Variants in CACNA2D4 observed in about 807,000 individuals in gnomAD.
CACNA2D4 encodes calcium voltage-gated channel auxiliary subunit alpha2delta 4, also known as voltage-dependent calcium channel subunit alpha-2/delta-4.
A neutral mutation model predicts 163.8 loss-of-function variants in CACNA2D4; 157 were observed. The ratio of observed to expected loss-of-function variants is 0.96; its 90% CI spans 0.84 to 1.09. The LOEUF (loss-of-function observed/expected upper bound fraction) is 1.09. Among genes scored for constraint, CACNA2D4 ranks in the 50% least tolerant of loss-of-function variants. CACNA2D4 has a pLI of 0.00. For synonymous variants in CACNA2D4, 598 were observed against 586.9 expected (o/e 1.02, Z -0.27); for missense variants, 1,410 against 1,479.9 (o/e 0.95, Z 0.78).
At chr12:1,831,425 C>A (rs747242920) in intron 26 of CACNA2D4, 3 of 1,614,130 alleles carry the variant, frequency 1.9e-6, no homozygotes, top group African/African-American at 2.7e-5. Flanking sequence ...CATTTGAACC[C>A]CTAGCAAACC....
intron 26 of CACNA2D4, among the ~76,000 whole-genome samples, chr12:1,813,623 A>G (rs985136683): frequency 6.6e-6 from 1 of 152,202 alleles, no homozygotes; most frequent in African/African-American, 2.4e-5. Flanking sequence ...AGATGAAGAA[A>G]CCGAGGCTTT....
intron 7 of CACNA2D4, 47 bp downstream of exon 7, chr12:1,886,962 A>C: frequency 7.0e-7 from 1 of 1,430,830 alleles, no homozygotes; most frequent in Non-Finnish European, 9.7e-7. Flanking sequence ...CCCAAAAGCT[A>C]TGAGATAAAT....
At chr12:1,801,416 G>A (rs1863322622) in intron 30 of CACNA2D4, among the ~76,000 whole-genome samples, 158 bp downstream of exon 30, 1 of 152,202 alleles carries the variant, frequency 6.6e-6, no homozygotes, top group African/African-American at 2.4e-5. Flanking sequence ...CCCACATCAT[G>A]CTGACGCCCT....
rs372887825 is a variant in CACNA2D4 at position 1,863,776 on chromosome 12, T to A, written c.1879-3570A>T. The stretch of plus-strand genomic sequence containing the variant: ...ACAGGCAATGCATTATGTGAGCTGG[T>A]CCTGTGTACAACCATCCCAAGCCAC... On this transcript the variant is annotated intron_variant, in intron 18 of 37. Coordinates refer to ENST00000382722, the MANE Select transcript of CACNA2D4 (RefSeq NM_172364.5). Among the ~76,000 whole-genome samples the A allele has an allele frequency of 7.2e-5, 11 of 152,296 alleles. No homozygotes were observed. The East Asian group carries it at 2.1e-3, about 29-fold the overall frequency.
chr12:1,795,996 C>CTA (rs1863112290), intron 35 of CACNA2D4: 3 of 581,644 alleles, frequency 5.2e-6, no homozygotes, highest in Admixed American at 3.0e-5. Flanking sequence ...ATTTCCTTTC[C>CTA]TAGCAGACTG....
intron 26 of CACNA2D4, chr12:1,835,382 A>G (rs1192631368): frequency 6.6e-6 from 1 of 152,406 alleles, no homozygotes; most frequent in Non-Finnish European, 1.5e-5. Context: ...TCACACACCC[A>G]TTGCATCACC....
At chr12:1,858,762 T>A in intron 19 of CACNA2D4, 118 bp from the exon 20 acceptor site, 1 of 663,232 alleles carries the variant, frequency 1.5e-6, no homozygotes, top group Non-Finnish European at 2.4e-6. Context: ...CCACGACGAG[T>A]GGTGTGCTCC....
chr12:1,818,531 G>A (rs1487101242), intron 26 of CACNA2D4, among the ~76,000 whole-genome samples: 1 of 151,660 alleles, frequency 6.6e-6, no homozygotes, highest in East Asian at 1.9e-4. Context: ...TGGATTAAGG[G>A]CGGTGCAAGA....
At chr12:1,794,534 C>G (rs988145640) in intron 37 of CACNA2D4, among the ~76,000 whole-genome samples, 12 of 152,218 alleles carry the variant, frequency 7.9e-5, no homozygotes, top group Admixed American at 2.6e-4. Flanking sequence ...GTCCTTCTGA[C>G]AGACTGGCTG....
At chr12:1,907,645 CCTGGTGGGCGTGTCTGGT>C in intron 5 of CACNA2D4, 74 bp from the exon 6 acceptor site, 3 of 1,360,650 alleles carry the variant, frequency 2.2e-6, no homozygotes, top group Non-Finnish European at 3.1e-6. Flanking sequence ...GGTGAGGGTG[CCTGGTGGGCGTGTCTGGT>C]GGGCGTGTCT....
At chr12:1,856,378 G>A in intron 20 of CACNA2D4, 149 bp from the exon 21 acceptor site, 1 of 798,514 alleles carries the variant, frequency 1.3e-6, no homozygotes, top group Non-Finnish European at 2.1e-6. Context: ...GGAGAACATG[G>A]CTAAGTCTGC....
chr12:1,888,260 C>G (rs1347007176), intron 6 of CACNA2D4, among the ~76,000 whole-genome samples: 2 of 152,144 alleles, frequency 1.3e-5, no homozygotes, highest in Admixed American at 6.5e-5. Flanking sequence ...GGCTCTTAAC[C>G]AAAATCTTCG....
intron 26 of CACNA2D4, among the ~76,000 whole-genome samples, chr12:1,814,676 T>C (rs535932074): frequency 2.7e-4 from 41 of 152,316 alleles, no homozygotes; most frequent in African/African-American, 9.9e-4. Context: ...CAAAACTTTA[T>C]AAATCTGTCC....
At chr12:1,804,121 CTGTGTGTG>C (rs57706301) in intron 29 of CACNA2D4, among the ~76,000 whole-genome samples, 1,698 of 139,160 alleles carry the variant, frequency 0.012, 25 homozygotes, top group South Asian at 0.017. Flanking sequence ...ATTCTAGTTA[CTGTGTGTG>C]TGTGTGTGTG....
intron 23 of CACNA2D4, among the ~76,000 whole-genome samples, chr12:1,847,832 A>C (rs1865183712): frequency 6.6e-6 from 1 of 150,790 alleles, no homozygotes; most frequent in Non-Finnish European, 1.5e-5. Context: ...TCATGGGTAA[A>C]TATTTTAATT....
chr12:1,811,969 T>C (rs554771801), intron 26 of CACNA2D4, among the ~76,000 whole-genome samples: 2 of 152,120 alleles, frequency 1.3e-5, no homozygotes, highest in Non-Finnish European at 2.9e-5. Context: ...TGCCCAGCAG[T>C]GATGAGGCTC....
chr12:1,814,303 G>C (rs1230878636), intron 26 of CACNA2D4, among the ~76,000 whole-genome samples: 1 of 152,170 alleles, frequency 6.6e-6, no homozygotes, highest in Non-Finnish European at 1.5e-5. Context: ...AATGGGGGGA[G>C]CAGGGCACAG....
At chr12:1,855,539 G>A (rs1865381215) in intron 22 of CACNA2D4, among the ~76,000 whole-genome samples, 2 of 152,218 alleles carry the variant, frequency 1.3e-5, no homozygotes, top group Admixed American at 6.5e-5. Context: ...TGGAAGAGGT[G>A]AGCAAGGTTA....
At chr12:1,831,154 G>T (rs750586006) in intron 26 of CACNA2D4, 2 of 1,613,946 alleles carry the variant, frequency 1.2e-6, no homozygotes, top group Admixed American at 3.3e-5. Flanking sequence ...AGCCTGCAGC[G>T]GTTGGACCTG....
Sources: allele counts gnomAD v4.1 joint callset (sites outside exome capture counted in the v4.1 genomes callset), GRCh38; gene constraint gnomAD v4.1.1; transcripts MANE v1.5; gene names NCBI Gene and HGNC (gene_info 2026-07-23, HGNC 2026-07-21).